The following CELF1 variants were observed in gnomAD, a reference collection of about 807,000 sequenced individuals.
CELF1 encodes the protein 50 kDa nuclear polyadenylated RNA-binding protein.
CELF1 carries 10 observed loss-of-function variants against 61.8 expected under a neutral mutation model. The observed-to-expected ratio is 0.16, with a 90% CI of 0.10 to 0.27. The LOEUF (loss-of-function observed/expected upper bound fraction) is 0.27. Among genes scored for constraint, CELF1 ranks in the 10% least tolerant of loss-of-function variants. The probability of loss-of-function intolerance (pLI) is 1.00; values close to 1 mark genes in which losing one functional copy is unlikely to be tolerated. For synonymous variants in CELF1, 236 were observed against 225.1 expected (o/e 1.05, Z -0.43); for missense variants, 380 against 639.1 (o/e 0.59, Z 4.37).
chr11:47,503,753 TCTCCTGAGCTCCCAGCCAAGTAC>T (rs567490111), intron 1 of CELF1, among the ~76,000 whole-genome samples: 1 of 152,324 alleles, frequency 6.6e-6, no homozygotes, highest in South Asian at 2.1e-4. Flanking sequence ...AACTACTGGG[TCTCCTGAGCTCCCAGCCAAGTAC>T]CTTGCTTGCA....
intron 3 of CELF1, among the ~76,000 whole-genome samples, chr11:47,497,891 T>A (rs767480107): frequency 3.9e-5 from 6 of 152,202 alleles, no homozygotes; most frequent in Non-Finnish European, 8.8e-5. Flanking sequence ...GTGTCAATGT[T>A]GGGTTGAACA....
chr11:47,537,193 T>C (rs774723937), intron 1 of CELF1, among the ~76,000 whole-genome samples: 4 of 151,632 alleles, frequency 2.6e-5, no homozygotes, highest in Non-Finnish European at 5.9e-5. Context: ...GTTCAGGCAA[T>C]AAAAATTACG....
chr11:47,466,672 A>G lies in CELF1; in HGVS notation c.*5558T>C, dbSNP rs1451064079. On this transcript the variant is annotated 3_prime_UTR_variant, in exon 15 of 15. Coordinates refer to ENST00000687097, the MANE Select transcript of CELF1 (RefSeq NM_001376376.1). ...AAACCACCACAGAACAATTAAAACA[A>G]TCAGAGAGAGAAAAGGAAAAGGAAA... 8 of 152,198 alleles carry G rather than the reference A, an allele frequency of 5.3e-5. No individual in the cohort carries two copies. The highest frequency in any genetic ancestry group is 1.9e-4 in the African/African-American group (8 of 41,444). 9.4% of individuals were successfully genotyped at this position (152,198 alleles called of 1,614,324 possible).
At chr11:47,539,229 TA>T (rs112191949) in intron 1 of CELF1, among the ~76,000 whole-genome samples, 3 of 152,096 alleles carry the variant, frequency 2.0e-5, no homozygotes, top group African/African-American at 7.2e-5. Context: ...AAAAACTTGT[TA>T]AAAAAATAAA....
intron 1 of CELF1, among the ~76,000 whole-genome samples, chr11:47,509,993 C>T (rs1412226979): frequency 1.3e-5 from 2 of 150,906 alleles, no homozygotes; most frequent in East Asian, 2.0e-4. Flanking sequence ...ACTCGGGAAG[C>T]GGAGGTTGCA....
intron 13 of CELF1, among the ~76,000 whole-genome samples, chr11:47,474,843 C>T (rs138602056): frequency 6.6e-6 from 1 of 152,308 alleles, no homozygotes; most frequent in East Asian, 1.9e-4. Context: ...TTGTGTCAAA[C>T]GACATACTTC....
At position 47,476,704 on chromosome 11, in the gene CELF1, G is replaced by A. The variant is rs1220894218; in HGVS notation, c.1087+142C>T. ...ACCTCCCAAAGTGCTGGGATTAGAG[G>A]TGTGAGCCACCACACCTGGCCCTCA... is the stretch of plus-strand genomic sequence containing the variant. On this transcript the variant is annotated intron_variant, in intron 12 of 14. Coordinates refer to ENST00000687097, the MANE Select transcript of CELF1 (RefSeq NM_001376376.1). 4 of 661,366 alleles carry A rather than the reference G, an allele frequency of 6.0e-6. No homozygotes were observed. The East Asian group carries it at 1.1e-4, about 18-fold the overall frequency. 41.0% of individuals were successfully genotyped at this position (661,366 alleles called of 1,614,324 possible). A position where few individuals can be genotyped will look rare whatever the true frequency, so the allele number is the denominator to read the frequency against.
intron 9 of CELF1, among the ~76,000 whole-genome samples, chr11:47,481,101 TC>T (rs1318893311): frequency 0.089 from 9,157 of 103,016 alleles, 1,202 homozygotes; most frequent in Non-Finnish European, 0.12. Context: ...TTTTTCTTCT[TC>T]TTTTTTTTTT....
chr11:47,553,132 C>T lies in CELF1; in HGVS notation c.-294G>A, dbSNP rs1020165522. On this transcript the variant is annotated 5_prime_UTR_variant, in exon 1 of 15. It adds an upstream start codon to the 5' untranslated region. Coordinates refer to ENST00000687097, the MANE Select transcript of CELF1 (RefSeq NM_001376376.1). ...CTGCCGCTGCCGCCAGAGCAGAACA[C>T]CCCAAAATGGCGGCACTTCCGGCAC... 1 of 396,318 alleles carries T rather than the reference C, an allele frequency of 2.5e-6. No individual in the cohort carries two copies. The highest frequency in any genetic ancestry group is 4.5e-6 in the Non-Finnish European group (1 of 224,468). The allele number at this position is 396,318 out of a possible 1,614,324, so 24.6% of individuals were successfully genotyped here.
intron 3 of CELF1, among the ~76,000 whole-genome samples, chr11:47,495,507 TA>T (rs2092918581): frequency 6.6e-6 from 1 of 152,160 alleles, no homozygotes; most frequent in Non-Finnish European, 1.5e-5. Flanking sequence ...TGGAATATAC[TA>T]AAAATCACTG....
rs535948404 is a variant in CELF1 at position 47,539,422 on chromosome 11, C to A, written c.-154+13570G>T. 2.0e-5 allele frequency among the ~76,000 whole-genome samples: 3 copies of A among 152,194 alleles called. No homozygotes were observed. In the South Asian group the frequency reaches 6.2e-4, roughly 32 times the overall value. ...ATCCCGGCACTTTGGGAGGCCGATG[C>A]GGACAGAACACCTGAGGTCGGGAGT... On this transcript the variant is annotated intron_variant, in intron 1 of 14. Transcript: ENST00000687097.
At chr11:47,550,553 C>G (rs1456999504) in intron 1 of CELF1, among the ~76,000 whole-genome samples, 2 of 151,998 alleles carry the variant, frequency 1.3e-5, no homozygotes, top group African/African-American at 4.8e-5. Context: ...AAAACTGTGA[C>G]TAAGATAAGC....
Position 47,468,168 on chromosome 11 carries a change from G to A in CELF1, c.*4062C>T, listed in dbSNP as rs896748308. On this transcript the variant is annotated 3_prime_UTR_variant, in exon 15 of 15. Coordinates refer to ENST00000687097, the MANE Select transcript of CELF1 (RefSeq NM_001376376.1). ...GCATGGGGCTGAGGGGAAGGGGCAG[G>A]CGGGATATCCAGGACTCCCCAGAGT... 3 of 152,194 alleles carry A rather than the reference G, an allele frequency of 2.0e-5. No homozygotes were observed. Among genetic ancestry groups the A allele is most frequent in the African/African-American group, 7.2e-5 (3 of 41,438 alleles). The allele number at this position is 152,194 out of a possible 1,614,324, so 9.4% of individuals were successfully genotyped here.
At chr11:47,555,282 C>G (rs2097202615), upstream of CELF1, among the ~76,000 whole-genome samples, 1 of 152,202 alleles carries the variant, frequency 6.6e-6, no homozygotes, top group African/African-American at 2.4e-5. Flanking sequence ...CAATATCTGA[C>G]TCAATAGATA....
intron 1 of CELF1, among the ~76,000 whole-genome samples, chr11:47,514,325 C>A (rs1240593556): frequency 6.6e-6 from 1 of 152,046 alleles, no homozygotes; most frequent in Non-Finnish European, 1.5e-5. Flanking sequence ...TCGTAAGCAG[C>A]CATTATTAAA....
At chr11:47,531,896 G>A (rs1170207270) in intron 1 of CELF1, among the ~76,000 whole-genome samples, 1 of 152,052 alleles carries the variant, frequency 6.6e-6, no homozygotes, top group Admixed American at 6.6e-5. Flanking sequence ...TCTTTTCCAA[G>A]TTCTAGGGTT....
chr11:47,547,090 A>AAAAAAAG (rs2096978675), intron 1 of CELF1, among the ~76,000 whole-genome samples: 6 of 145,536 alleles, frequency 4.1e-5, no homozygotes, highest in African/African-American at 9.9e-5. Context: ...AAAAAAAAAA[A>AAAAAAAG]AAAGAAAGAA....
chr11:47,542,053 A>G (rs149829815), intron 1 of CELF1, among the ~76,000 whole-genome samples: 176 of 152,280 alleles, frequency 1.2e-3, no homozygotes, highest in African/African-American at 4.1e-3. Flanking sequence ...TGGAGGTCAT[A>G]AAGTTAGTGG....
At chr11:47,555,733 C>A (rs920410406), upstream of CELF1, among the ~76,000 whole-genome samples, 2 of 152,024 alleles carry the variant, frequency 1.3e-5, no homozygotes, top group Non-Finnish European at 2.9e-5. Context: ...GTCGGCCAGG[C>A]GCGGTAGCTC....
Sources: allele counts gnomAD v4.1 joint callset (sites outside exome capture counted in the v4.1 genomes callset), GRCh38; gene constraint gnomAD v4.1.1; transcripts MANE v1.5; gene names NCBI Gene and HGNC (gene_info 2026-07-23, HGNC 2026-07-21).